FSIP1: variants seen among roughly 807,000 people sequenced by gnomAD.
FSIP1 encodes the protein fibrous sheath interacting protein 1, also known as fibrous sheath-interacting protein 1.
FSIP1 carries 65 observed loss-of-function variants against 60.9 expected under a neutral mutation model. The observed-to-expected ratio is 1.07, with a 90% CI of 0.87 to 1.31. The LOEUF is 1.31. FSIP1 is among the 40% of genes most tolerant of loss of function. FSIP1 has a pLI of 0.00. For missense variants in FSIP1, 675 were observed against 665.5 expected, an observed-to-expected ratio of 1.01 and a Z score of -0.16; for synonymous variants, 209 against 221.2, an observed-to-expected ratio of 0.94 and a Z score of 0.49.
intron 10 of FSIP1, among the ~76,000 whole-genome samples, chr15:39,672,294 C>T (rs1396520794): frequency 6.6e-6 from 1 of 152,200 alleles, no homozygotes; most frequent in Admixed American, 6.5e-5. Flanking sequence ...CTTAGCAGTG[C>T]TCCATGAAGA....
intron 4 of FSIP1, among the ~76,000 whole-genome samples, chr15:39,764,731 C>T (rs1897623277): frequency 2.0e-5 from 3 of 152,128 alleles, no homozygotes; most frequent in Admixed American, 6.5e-5. Flanking sequence ...GAGACAGAAG[C>T]AAATGAAGTA....
chr15:39,762,607 G>A (rs953687910), intron 5 of FSIP1, among the ~76,000 whole-genome samples: 4 of 152,100 alleles, frequency 2.6e-5, no homozygotes, highest in African/African-American at 4.8e-5. Flanking sequence ...GGCTTGCTTG[G>A]GTTTCTCACA....
intron 10 of FSIP1, among the ~76,000 whole-genome samples, chr15:39,628,400 C>T (rs905899568): frequency 1.1e-4 from 17 of 152,170 alleles, no homozygotes; most frequent in African/African-American, 3.9e-4. Context: ...ACTGCGAAGA[C>T]GTAGGAGGCC....
At chr15:39,666,299 G>T (rs946687634) in intron 10 of FSIP1, among the ~76,000 whole-genome samples, 2 of 152,102 alleles carry the variant, frequency 1.3e-5, no homozygotes, top group African/African-American at 4.8e-5. Context: ...CTATAAGTCC[G>T]CAATTTACAA....
At chr15:39,695,852 GA>G (rs1011300935) in intron 10 of FSIP1, among the ~76,000 whole-genome samples, 3 of 152,070 alleles carry the variant, frequency 2.0e-5, no homozygotes, top group Non-Finnish European at 2.9e-5. Context: ...ACTCACTCAA[GA>G]AAAAAATTAC....
intron 10 of FSIP1, among the ~76,000 whole-genome samples, chr15:39,685,188 T>C (rs1894315831): frequency 6.6e-6 from 1 of 152,248 alleles, no homozygotes; most frequent in African/African-American, 2.4e-5. Context: ...AAAGTTTGTG[T>C]TGTTCTGAAG....
chr15:39,599,893 A>G (rs1012198231), downstream of FSIP1: 3 of 152,272 alleles, frequency 2.0e-5, no homozygotes, highest in African/African-American at 7.2e-5. Context: ...TAGTGTCTGG[A>G]AAAAGAAACT....
At chr15:39,641,266 G>T (rs1892357763) in intron 10 of FSIP1, among the ~76,000 whole-genome samples, 1 of 152,128 alleles carries the variant, frequency 6.6e-6, no homozygotes, top group Non-Finnish European at 1.5e-5. Flanking sequence ...CCAGAGAGAG[G>T]AAAGCAAAAA....
chr15:39,705,784 G>A (rs958571328), intron 10 of FSIP1, among the ~76,000 whole-genome samples: 9 of 152,062 alleles, frequency 5.9e-5, no homozygotes, highest in Admixed American at 5.2e-4. Flanking sequence ...GATCACTTGA[G>A]GTCAGGAGTT....
At chr15:39,704,249 G>A (rs1460572676) in intron 10 of FSIP1, among the ~76,000 whole-genome samples, 4 of 152,236 alleles carry the variant, frequency 2.6e-5, no homozygotes, top group African/African-American at 9.6e-5. Flanking sequence ...CCTGTTACAA[G>A]TGAAAAAAAG....
intron 5 of FSIP1, among the ~76,000 whole-genome samples, chr15:39,744,622 A>AG (rs1331186751): frequency 6.6e-6 from 1 of 152,140 alleles, no homozygotes; most frequent in Non-Finnish European, 1.5e-5. Context: ...CCTGGAACTG[A>AG]GGGGAGACCC....
intron 10 of FSIP1, among the ~76,000 whole-genome samples, chr15:39,673,658 C>A (rs1403091898): frequency 1.3e-5 from 2 of 152,116 alleles, no homozygotes; most frequent in African/African-American, 2.4e-5. Flanking sequence ...CCATGCATGG[C>A]CTGCCTTTAT....
In FSIP1 at chr15:39,704,578, G is replaced by A. The variant is rs564309563; in HGVS notation, c.1188+8866C>T. 3.5e-3 allele frequency among the ~76,000 whole-genome samples: 531 copies of A among 152,288 alleles called. 3 individuals are homozygous for A. Among genetic ancestry groups the A allele is most frequent in the African/African-American group, 0.012 (507 of 41,546 alleles). Reference sequence around the variant, plus strand: ...CACAGGCTGAGGTGTCAGAAGAGTTGGCCTTCTGATTATTTCTGAAAAATC... The same window carrying A: ...CACAGGCTGAGGTGTCAGAAGAGTTAGCCTTCTGATTATTTCTGAAAAATC... On this transcript the variant is annotated intron_variant, in intron 10 of 11. Transcript: ENST00000350221.
At chr15:39,741,231 T>C (rs1896790665) in intron 6 of FSIP1, among the ~76,000 whole-genome samples, 1 of 152,192 alleles carries the variant, frequency 6.6e-6, no homozygotes, top group South Asian at 2.1e-4. Flanking sequence ...CTTTAAAACA[T>C]ATTTCTAATA....
chr15:39,781,916 T>A (rs1327788842), intron 1 of FSIP1, among the ~76,000 whole-genome samples: 1 of 152,252 alleles, frequency 6.6e-6, no homozygotes, highest in African/African-American at 2.4e-5. Flanking sequence ...TATACATTTG[T>A]CAAAACTCAC....
At chr15:39,626,467 C>T (rs953258429) in intron 10 of FSIP1, among the ~76,000 whole-genome samples, 8 of 152,130 alleles carry the variant, frequency 5.3e-5, no homozygotes, top group Non-Finnish European at 1.2e-4. Context: ...TGGCCTTGCA[C>T]AGTCTGCCCG....
intron 9 of FSIP1, among the ~76,000 whole-genome samples, chr15:39,717,731 C>A (rs1335502179): frequency 6.6e-6 from 1 of 152,176 alleles, no homozygotes; most frequent in Non-Finnish European, 1.5e-5. Context: ...CACACCGAGT[C>A]CAAGGACCCA....
intron 10 of FSIP1, among the ~76,000 whole-genome samples, chr15:39,685,904 A>C (rs1170932826): frequency 1.3e-5 from 2 of 152,196 alleles, no homozygotes; most frequent in South Asian, 4.1e-4. Context: ...TACATGTCAG[A>C]CCATTCCAAT....
chr15:39,730,961 C>T (rs924135198), intron 8 of FSIP1, among the ~76,000 whole-genome samples: 8 of 152,172 alleles, frequency 5.3e-5, no homozygotes, highest in African/African-American at 1.7e-4. Context: ...AGTCTATGGA[C>T]TACTCAAGAC....
Sources: allele counts gnomAD v4.1 joint callset (sites outside exome capture counted in the v4.1 genomes callset), GRCh38; gene constraint gnomAD v4.1.1; transcripts MANE v1.5; gene names NCBI Gene and HGNC (gene_info 2026-07-23, HGNC 2026-07-21).